Variants in DLX1 observed in about 807,000 individuals in gnomAD.
The protein encoded by DLX1 is distal-less homeobox 1.
In DLX1, 7 loss-of-function variants were observed where a neutral mutation model predicts 25.0. The observed-to-expected ratio is 0.28, with a 90% confidence interval of 0.16 to 0.52. DLX1 has a LOEUF of 0.52. Ranked by LOEUF, DLX1 falls within the 20% of genes least tolerant of loss-of-function variation. The pLI, the probability that DLX1 is intolerant of heterozygous loss-of-function variation, is 0.96. For missense variants in DLX1, 233 were observed against 334.4 expected, an observed-to-expected ratio of 0.70 and a Z score of 2.37; for synonymous variants, 155 against 140.3, an observed-to-expected ratio of 1.10 and a Z score of -0.74.
chr2:172,086,594 G>T (rs560577534), intron 1 of DLX1, 60 bp from the exon 2 acceptor site: 1 of 1,472,388 alleles, frequency 6.8e-7, no homozygotes. Flanking sequence ...GCTCTCGGCT[G>T]TTCGCACTAA....
At position 172,085,646 on chromosome 2, in the gene DLX1, G is replaced by T; in HGVS notation, c.-32G>T. On this transcript the variant is annotated 5_prime_UTR_variant, in exon 1 of 3. Coordinates refer to ENST00000361725, the MANE Select transcript of DLX1 (RefSeq NM_178120.5). The surrounding 1 kb of genome is among the most constrained non-coding windows in gnomAD (Gnocchi z 4.3). ...ACCCCCAAAAGGGAAGCAGAGGAGA[G>T]AAAGTCCCACACCCAGACCCCGCGA... The T allele has an allele frequency of 6.3e-7, 1 of 1,590,132 alleles. No individual in the cohort carries two copies. The highest frequency in any genetic ancestry group is 8.6e-7 in the Non-Finnish European group (1 of 1,168,938).
chr2:172,086,033 GGA>G (rs778985076), intron 1 of DLX1, 43 bp downstream of exon 1: 32 of 1,527,660 alleles, frequency 2.1e-5, no homozygotes, highest in Non-Finnish European at 2.8e-5. Flanking sequence ...GAGGTACAAG[GGA>G]GAGAGGGAAA....
chr2:172,086,547 C>T (rs1247080439), intron 1 of DLX1, 107 bp from the exon 2 acceptor site: 7 of 1,123,002 alleles, frequency 6.2e-6, no homozygotes, highest in Non-Finnish European at 8.9e-6. Context: ...AACGTTCTCT[C>T]CCTGGTGCTG....
rs1690827212 is a variant in DLX1, at chr2:172,085,885, C to T, written c.208C>T (p.Pro70Ser). Residue 70 changes from proline to serine, a missense_variant, in exon 1 of 3, where the codon CCC becomes TCC. This residue lies in a region of DLX1 where 126 missense variants were observed against 170.4 expected (regional missense o/e 0.74). Coordinates refer to ENST00000361725, the MANE Select transcript of DLX1 (RefSeq NM_178120.5). The surrounding 1 kb of genome is among the most constrained non-coding windows in gnomAD (Gnocchi z 4.3). ...GTCCTTCTCCCGACCGCTGGGCTACCCCTACGTCAACTCGGTCAGCAGCCA... is the reference window on the plus strand; with the variant it reads ...GTCCTTCTCCCGACCGCTGGGCTACTCCTACGTCAACTCGGTCAGCAGCCA... ...ASSFSRPLGY[P>S]YVNSVSSHAS... 6.2e-7 allele frequency: 1 copy of T among 1,614,230 alleles called. No homozygotes were observed.
chr2:172,087,969 C>T, intron 2 of DLX1, 34 bp from the exon 3 acceptor site: 2 of 1,506,054 alleles, frequency 1.3e-6, no homozygotes, highest in Middle Eastern at 1.8e-4. Flanking sequence ...CTCAGTGGTC[C>T]CAGCCTGAGT....
In DLX1 at chr2:172,088,295, G is replaced by A; in HGVS notation, c.*38G>A. Reference sequence around the variant, plus strand: ...GTCTCCTTCTTGTCTCCCCGGCCCAGGTCCCTCCCGCCTCCAGGTCCATCC... The same window carrying A: ...GTCTCCTTCTTGTCTCCCCGGCCCAAGTCCCTCCCGCCTCCAGGTCCATCC... On this transcript the variant is annotated 3_prime_UTR_variant, in exon 3 of 3. Coordinates refer to ENST00000361725, the MANE Select transcript of DLX1 (RefSeq NM_178120.5). The A allele has an allele frequency of 7.0e-7, 1 of 1,419,938 alleles. No homozygotes were observed. The highest frequency in any genetic ancestry group is 9.3e-7 in the Non-Finnish European group (1 of 1,079,142). 88.0% of individuals were successfully genotyped at this position (1,419,938 alleles called of 1,614,324 possible).
chr2:172,088,379 T>C lies in DLX1; in HGVS notation c.*122T>C. 3.1e-6 allele frequency: 4 copies of C among 1,276,556 alleles called. No individual in the cohort carries two copies. Among genetic ancestry groups the C allele is most frequent in the Non-Finnish European group, 4.1e-6 (4 of 980,456 alleles). 79.1% of individuals were successfully genotyped at this position (1,276,556 alleles called of 1,614,324 possible). On this transcript the variant is annotated 3_prime_UTR_variant, in exon 3 of 3. Transcript: ENST00000361725. ...AAGGAACAGTGGAGGCGGGACGCCC[T>C]CCATCTCCTCGGAGCCCCGCGAGGT...
In DLX1 at chr2:172,089,352, A is replaced by C. The variant is rs796724606; in HGVS notation, c.*1095A>C. ...ACCCTGAACGCACAATCTCCAGTGC[A>C]GGATCTAATGACTGTACATATTATT... On this transcript the variant is annotated 3_prime_UTR_variant, in exon 3 of 3. Coordinates refer to ENST00000361725, the MANE Select transcript of DLX1 (RefSeq NM_178120.5). 3 of 152,710 alleles carry C rather than the reference A, an allele frequency of 2.0e-5. No homozygotes were observed. Among genetic ancestry groups the C allele is most frequent in the African/African-American group, 7.2e-5 (3 of 41,588 alleles). The allele number at this position is 152,710 out of a possible 1,614,324, so 9.5% of individuals were successfully genotyped here. A position where few individuals can be genotyped will look rare whatever the true frequency, so the allele number is the denominator to read the frequency against.
intron 2 of DLX1, 80 bp downstream of exon 2, chr2:172,086,933 C>G: frequency 6.9e-7 from 1 of 1,454,336 alleles, no homozygotes; most frequent in Non-Finnish European, 9.7e-7. Flanking sequence ...TTGTTGCTCG[C>G]TGGGACTCAG....
rs1040380934 is a variant in DLX1 at position 172,088,430 on chromosome 2, G to C, written c.*173G>C. On this transcript the variant is annotated 3_prime_UTR_variant, in exon 3 of 3. Coordinates refer to ENST00000361725, the MANE Select transcript of DLX1 (RefSeq NM_178120.5). ...CCGGCCCAGCAACTTCCCGGCATCC[G>C]CGCTCTAGCCTGAACCCTGGCCTGG... The C allele has an allele frequency of 1.2e-6, 1 of 850,118 alleles. No individual in the cohort carries two copies. The highest frequency in any genetic ancestry group is 1.6e-6 in the Non-Finnish European group (1 of 617,012). 52.7% of individuals were successfully genotyped at this position (850,118 alleles called of 1,614,324 possible).
chr2:172,088,079 G>C lies in DLX1; in HGVS notation c.590G>C (p.Ser197Thr), dbSNP rs1258981343. Residue 197 changes from serine (S) to threonine (T), a missense_variant, in exon 3 of 3, where the codon AGT (serine) becomes ACT (threonine). Physicochemically the swap from Ser to Thr is moderately conservative, Grantham distance 58. Transcript: ENST00000361725. ...CAGGGTGGGGCGGCTCTGGAGGGTA[G>C]TGCGTTGGCCAACGGTCGGGCCCTG... ...MKQGGAALEG[S>T]ALANGRALSA... 2.5e-6 allele frequency: 4 copies of C among 1,589,406 alleles called. No individual in the cohort carries two copies. Among genetic ancestry groups the C allele is most frequent in the Non-Finnish European group, 3.4e-6 (4 of 1,168,238 alleles).
At chr2:172,086,023 G>A in intron 1 of DLX1, 33 bp downstream of exon 1, 1 of 1,498,126 alleles carries the variant, frequency 6.7e-7, no homozygotes, top group Non-Finnish European at 9.0e-7. Flanking sequence ...GGGAGAGGAG[G>A]AGGTACAAGG....
chr2:172,087,486 G>T, intron 2 of DLX1: 1 of 457,886 alleles, frequency 2.2e-6, no homozygotes, highest in East Asian at 6.9e-5. Flanking sequence ...GAATGGTTTT[G>T]AATCCAAAGA....
At position 172,085,718 on chromosome 2, in the gene DLX1, T is replaced by C; in HGVS notation, c.41T>C (p.Val14Ala). The C allele has an allele frequency of 6.2e-7, 1 of 1,614,114 alleles. No homozygotes were observed. Among genetic ancestry groups the C allele is most frequent in the Non-Finnish European group, 8.5e-7 (1 of 1,180,014 alleles). The part of the protein sequence containing the change: ...TTMPESLNSP[V>A]SGKAVFMEFG... ...ATGCCAGAAAGTCTCAACAGCCCCG[T>C]GTCGGGCAAGGCGGTGTTTATGGAG... is the stretch of plus-strand genomic sequence containing the variant. Residue 14 changes from valine to alanine, a missense_variant, in exon 1 of 3, where the codon GTG (valine) becomes GCG (alanine). This residue lies in a region of DLX1 where 126 missense variants were observed against 170.4 expected (regional missense o/e 0.74). Coordinates refer to ENST00000361725, the MANE Select transcript of DLX1 (RefSeq NM_178120.5). The surrounding 1 kb of genome is among the most constrained non-coding windows in gnomAD (Gnocchi z 4.3).
rs202138826 is a variant in DLX1, at chr2:172,086,754, G to A, written c.414G>A (p.Leu138=). ...AACCCAGGACGATTTATTCCAGTTT[G>A]CAGTTGCAGGCTTTGAACCGGAGGT... ...IRKPRTIYSS[L]QLQALNRRFQ... The change falls in exon 2 of 3, where the codon TTG becomes TTA. Residue 138 remains leucine, a synonymous_variant. Transcript: ENST00000361725. 124 of 1,609,194 alleles carry A rather than the reference G, an allele frequency of 7.7e-5. No homozygotes were observed. The highest frequency in any genetic ancestry group is 3.4e-5 in the Admixed American group (2 of 58,716).
intron 1 of DLX1, chr2:172,086,216 C>G (rs1242178537): frequency 1.7e-6 from 1 of 581,938 alleles, no homozygotes; most frequent in African/African-American, 1.9e-5. Context: ...TTGCAACTAT[C>G]CAGCCAAGGA....
At chr2:172,087,326 A>G (rs547941192) in intron 2 of DLX1, 6 of 368,724 alleles carry the variant, frequency 1.6e-5, no homozygotes, top group African/African-American at 1.3e-4. Flanking sequence ...CAAGTCCCAG[A>G]CCTTAGAGAA....
intron 2 of DLX1, 152 bp from the exon 3 acceptor site, chr2:172,087,851 A>T: frequency 8.6e-7 from 1 of 1,158,212 alleles, no homozygotes; most frequent in Non-Finnish European, 1.2e-6. Context: ...GGGAGGAAGG[A>T]GGGATGTCTC....
intron 2 of DLX1, among the ~76,000 whole-genome samples, 183 bp from the exon 3 acceptor site, chr2:172,087,820 C>A (rs1244138198): frequency 6.6e-6 from 1 of 152,206 alleles, no homozygotes; most frequent in African/African-American, 2.4e-5. Flanking sequence ...GGCCTTCGAG[C>A]CTTTGGCTCT....
Sources: allele counts gnomAD v4.1 joint callset (sites outside exome capture counted in the v4.1 genomes callset), GRCh38; gene constraint gnomAD v4.1.1; regional missense constraint gnomAD v4.1.1; non-coding constraint Gnocchi (gnomAD v3.1); transcripts MANE v1.5; gene names NCBI Gene and HGNC (gene_info 2026-07-23, HGNC 2026-07-21).